The following TUBGCP6 variants were observed in gnomAD, a reference collection of about 807,000 sequenced individuals.
TUBGCP6 encodes the protein tubulin gamma complex component 6.
In TUBGCP6, 161 loss-of-function variants were observed where a neutral mutation model predicts 175.8. That is an observed-to-expected ratio of 0.92 (90% confidence interval 0.81 to 1.04). The LOEUF is 1.04. Ranked by LOEUF, TUBGCP6 falls within the 50% of genes least tolerant of loss-of-function variation. TUBGCP6 has a pLI of 0.00. For synonymous variants in TUBGCP6, 1,173 were observed against 1,030.5 expected, an observed-to-expected ratio of 1.14 and a Z score of -2.65; for missense variants, 2,572 against 2,433.0, an observed-to-expected ratio of 1.06 and a Z score of -1.20.
At chr22:50,223,458 G>A (rs1046262041) in intron 13 of TUBGCP6, 14 of 153,010 alleles carry the variant, frequency 9.1e-5, no homozygotes, top group African/African-American at 3.4e-4. Context: ...AGCACAGGGA[G>A]ACAGACGCAG....
At chr22:50,241,888 G>A (rs2064843459) in intron 1 of TUBGCP6, among the ~76,000 whole-genome samples, 1 of 142,238 alleles carries the variant, frequency 7.0e-6, no homozygotes, top group African/African-American at 2.7e-5. Context: ...TTCTATCTCT[G>A]TCTTGTGTCT....
At chr22:50,230,478 G>A (rs1361411659) in intron 3 of TUBGCP6, among the ~76,000 whole-genome samples, 4 of 151,876 alleles carry the variant, frequency 2.6e-5, no homozygotes, top group Admixed American at 2.6e-4. Context: ...ATGGTGGCGT[G>A]CACCTGTAGT....
Position 50,219,148 on chromosome 22 carries a change from G to A in TUBGCP6, c.4546C>T (p.His1516Tyr), listed in dbSNP as rs1478393352. ...AGGAAGTGCCGCAGTGCCTCATAGT[G>A]CGCCTCCAGGTGCAGCTCCACGAAG... is the stretch of plus-strand genomic sequence containing the variant. Reference protein sequence around the residue: ...YFFVELHLEAHYEALRHFLLM... With the variant: ...YFFVELHLEAYYEALRHFLLM... The change falls in exon 20 of 25, where the codon CAC (histidine) becomes TAC (tyrosine). Residue 1516 changes from histidine (H) to tyrosine (Y), a missense_variant. Transcript: ENST00000248846. The A allele has an allele frequency of 1.9e-6, 3 of 1,613,012 alleles. No individual in the cohort carries two copies. Among genetic ancestry groups the A allele is most frequent in the Non-Finnish European group, 2.5e-6 (3 of 1,179,990 alleles).
chr22:50,234,947 A>C (rs1208724646), intron 2 of TUBGCP6, among the ~76,000 whole-genome samples: 1 of 131,248 alleles, frequency 7.6e-6, no homozygotes, highest in Non-Finnish European at 1.6e-5. Flanking sequence ...CATCGCCCAC[A>C]CTCCCGTCCA....
chr22:50,223,899 C>T (rs1375215913), intron 13 of TUBGCP6: 5 of 512,056 alleles, frequency 9.8e-6, no homozygotes, highest in African/African-American at 1.9e-5. Flanking sequence ...CCAAACAGTA[C>T]GCAGGCCTCG....
Position 50,244,898 on chromosome 22 carries a change from G to A in TUBGCP6, c.-439C>T, listed in dbSNP as rs1444062300. 2 of 212,480 alleles carry A rather than the reference G, an allele frequency of 9.4e-6. No individual in the cohort carries two copies. Among genetic ancestry groups the A allele is most frequent in the Non-Finnish European group, 1.9e-5 (2 of 104,778 alleles). The allele number at this position is 212,480 out of a possible 1,614,324, so 13.2% of individuals were successfully genotyped here. On this transcript the variant is annotated 5_prime_UTR_variant, in exon 1 of 25. Coordinates refer to ENST00000248846, the MANE Select transcript of TUBGCP6 (RefSeq NM_020461.4). ...GAGGGTCGTGGGCAGCGGAGAGTCT[G>A]GGGGCTCAGCCGGGTGGGTCCCGGG...
chr22:50,222,478 G>A lies in TUBGCP6; in HGVS notation c.2385C>T (p.Leu795=). ...HRLESARLRF[L]LEDEKHIQEM... is the part of the protein sequence containing the mutation. ...CCTGAATGTGTTTCTCATCTTCTAA[G>A]AGAAAACGAAGCCGTGCACTCTCCA... Residue 795 remains leucine (L), a synonymous_variant, in exon 14 of 25, where the codon CTC becomes CTT. Coordinates refer to ENST00000248846, the MANE Select transcript of TUBGCP6 (RefSeq NM_020461.4). 1 of 1,613,824 alleles carries A rather than the reference G, an allele frequency of 6.2e-7. No individual in the cohort carries two copies. Among genetic ancestry groups the A allele is most frequent in the Non-Finnish European group, 8.5e-7 (1 of 1,180,016 alleles).
intron 10 of TUBGCP6, among the ~76,000 whole-genome samples, chr22:50,224,992 C>T (rs73187269): frequency 0.12 from 17,608 of 151,714 alleles, 1,117 homozygotes; most frequent in South Asian, 0.22. Flanking sequence ...GACTCAGGGC[C>T]GGCAGGGGAG....
intron 2 of TUBGCP6, among the ~76,000 whole-genome samples, chr22:50,235,742 C>G (rs371126521): frequency 1.3e-5 from 2 of 152,118 alleles, no homozygotes; most frequent in African/African-American, 2.4e-5. Context: ...GAGTTCAAGA[C>G]CAGCCTGGCC....
rs199565971 is a variant in TUBGCP6, at chr22:50,244,329, G to A, written c.131C>T (p.Ala44Val). Reference sequence around the variant, plus strand: ...ATCTTGAAAAAGATTTGTGAAAAGAGCATTGTAGGCCACCTTCTTGAGGCT... The same window carrying A: ...ATCTTGAAAAAGATTTGTGAAAAGAACATTGTAGGCCACCTTCTTGAGGCT... ...KRSLKKVAYN[A>V]LFTNLFQDET... The change falls in exon 1 of 25, where the codon GCT becomes GTT. Residue 44 changes from alanine to valine, a missense_variant. Ala to Val is a moderately conservative substitution (Grantham distance 64, BLOSUM62 0). Coordinates refer to ENST00000248846, the MANE Select transcript of TUBGCP6 (RefSeq NM_020461.4). The A allele has an allele frequency of 6.2e-7, 1 of 1,613,602 alleles. No homozygotes were observed. Among genetic ancestry groups the A allele is most frequent in the East Asian group, 2.2e-5 (1 of 44,886 alleles).
At chr22:50,226,442 A>T in intron 7 of TUBGCP6, 64 bp from the exon 8 acceptor site, 2 of 1,349,626 alleles carry the variant, frequency 1.5e-6, no homozygotes, top group Non-Finnish European at 2.1e-6. Context: ...CGTGGCTGTC[A>T]GTGAGGGGTG....
chr22:50,225,710 C>G (rs528906512), intron 10 of TUBGCP6, 84 bp downstream of exon 10: 6 of 1,517,980 alleles, frequency 4.0e-6, no homozygotes, highest in Middle Eastern at 2.1e-4. Context: ...CTTGCACAGC[C>G]CTCATGTCCG....
At chr22:50,243,637 A>AT in intron 1 of TUBGCP6, 82 bp downstream of exon 1, 3 of 1,204,348 alleles carry the variant, frequency 2.5e-6, no homozygotes, top group Non-Finnish European at 2.3e-6. Context: ...AAAAAAAAGA[A>AT]GAAGAAGAAG....
In TUBGCP6 at chr22:50,219,275, CA is replaced by C; in HGVS notation, c.4484+12del. On this transcript the variant is annotated intron_variant, in intron 19 of 24. Transcript: ENST00000248846. The stretch of plus-strand genomic sequence containing the variant: ...CTGGGTGGGCAGACTGGCGCAGGGG[CA>C]GGGGCACTCACTGGGCGGCCAGCGG... The C allele has an allele frequency of 6.2e-7, 1 of 1,606,676 alleles. No homozygotes were observed.
Position 50,225,783 on chromosome 22 carries a change from G to A in TUBGCP6, c.1983+11C>T, listed in dbSNP as rs781383578. On this transcript the variant is annotated intron_variant, in intron 10 of 24. Coordinates refer to ENST00000248846, the MANE Select transcript of TUBGCP6 (RefSeq NM_020461.4). The stretch of plus-strand genomic sequence containing the variant: ...GCGAAGAAAGCCCCCGAGACCTGTG[G>A]TGCCACGCACCTTCTCCTCCTTGCT... 6.2e-6 allele frequency: 10 copies of A among 1,607,750 alleles called. No homozygotes were observed. In the South Asian group the frequency reaches 9.9e-5, roughly 16 times the overall value.
At position 50,219,723 on chromosome 22, in the gene TUBGCP6, C is replaced by T. The variant is rs1030796393; in HGVS notation, c.4236G>A (p.Gln1412=). 6.2e-7 allele frequency: 1 copy of T among 1,613,640 alleles called. No homozygotes were observed. Among genetic ancestry groups the T allele is most frequent in the Non-Finnish European group, 8.5e-7 (1 of 1,179,994 alleles). The change falls in exon 18 of 25, where the codon CAG becomes CAA. Residue 1412 remains glutamine (Q), a synonymous_variant. Coordinates refer to ENST00000248846, the MANE Select transcript of TUBGCP6 (RefSeq NM_020461.4). ...CTGCCAGGTAGGCCTGCTCCCCACC[C>T]TGAGCCTCCGCCGCCGATGCCTCCG... is the stretch of plus-strand genomic sequence containing the variant. The part of the protein sequence containing the change: ...EEAEASAAEA[Q]GGEQAYLAGL...
In TUBGCP6 at chr22:50,240,295, A is replaced by T; in HGVS notation, c.814T>A (p.Ser272Thr). ...SASNLTPDSQ[S>T]EPSVTPDVDL... ...ACGTCTGGGGTCACGCTGGGCTCAG[A>T]CTGGGAATCAGGAGTCAAGTTGGAC... is the stretch of plus-strand genomic sequence containing the variant. The change falls in exon 2 of 25, where the codon TCT becomes ACT. Residue 272 changes from serine (S) to threonine (T), a missense_variant. Physicochemically the swap from Ser to Thr is moderately conservative, Grantham distance 58 (BLOSUM62 1). Transcript: ENST00000248846. 6.2e-7 allele frequency: 1 copy of T among 1,614,000 alleles called. No homozygotes were observed. The highest frequency in any genetic ancestry group is 8.5e-7 in the Non-Finnish European group (1 of 1,180,026).
In TUBGCP6 at chr22:50,218,404, T is replaced by TGGCGGAGGGCAGAA. The variant is rs763663956; in HGVS notation, c.4955-16_4955-3dup. Reference sequence around the variant, plus strand: ...AGCCGGCCATGTGGCTCAGCAGGGCTGGCGGAGGGCAGAAGGCAGAGGGCA... The same window carrying TGGCGGAGGGCAGAA: ...AGCCGGCCATGTGGCTCAGCAGGGCTGGCGGAGGGCAGAAGGCGGAGGGCAGAAGGCAGAGGGCA... On this transcript the variant is annotated splice_region_variant and splice_polypyrimidine_tract_variant and intron_variant, in intron 22 of 24. Coordinates refer to ENST00000248846, the MANE Select transcript of TUBGCP6 (RefSeq NM_020461.4). 11 of 1,612,932 alleles carry TGGCGGAGGGCAGAA rather than the reference T, an allele frequency of 6.8e-6. 1 individual carries two copies. Among genetic ancestry groups the TGGCGGAGGGCAGAA allele is most frequent in the South Asian group, 5.5e-5 (5 of 91,082 alleles).
rs1170917094 is a variant in TUBGCP6 at position 50,221,488 on chromosome 22, C to G, written c.2871G>C (p.Leu957=). The G allele has an allele frequency of 6.3e-7, 1 of 1,588,634 alleles. No homozygotes were observed. Among genetic ancestry groups the G allele is most frequent in the Non-Finnish European group, 8.6e-7 (1 of 1,168,668 alleles). Residue 957 remains leucine, a synonymous_variant, in exon 16 of 25, where the codon CTG becomes CTC. Transcript: ENST00000248846. ...CAGGTGAGGTGGCCACAGCTGGCCT[C>G]AGGACAGTACTAAAGTCGTACTCCT... ...RPQEYDFSTV[L]RPAVATSPAP...
Sources: allele counts gnomAD v4.1 joint callset (sites outside exome capture counted in the v4.1 genomes callset), GRCh38; gene constraint gnomAD v4.1.1; transcripts MANE v1.5; gene names NCBI Gene and HGNC (gene_info 2026-07-23, HGNC 2026-07-21).